SLC35E2B: variants seen among roughly 807,000 people sequenced by gnomAD.
SLC35E2B encodes solute carrier family 35, member E2B.
Under a neutral mutation model 32.4 loss-of-function variants are expected in SLC35E2B, and 18 were observed. The ratio of observed to expected loss-of-function variants is 0.56; its 90% CI spans 0.38 to 0.82. The LOEUF is 0.82. SLC35E2B is among the 40% of genes least tolerant of loss of function. SLC35E2B has a pLI of 0.00. For synonymous variants in SLC35E2B, 132 were observed against 209.1 expected (o/e 0.63, Z 3.18); for missense variants, 263 against 469.5 (o/e 0.56, Z 4.06).
intron 2 of SLC35E2B, among the ~76,000 whole-genome samples, chr1:1,683,009 G>A (rs576862312): frequency 6.6e-6 from 1 of 151,968 alleles, no homozygotes; most frequent in South Asian, 2.1e-4. Context: ...CCCTGGAGGT[G>A]GAAATCGCAG....
At chr1:1,666,143 ACAT>A in intron 9 of SLC35E2B, 124 bp from the exon 10 acceptor site, 14 of 1,174,454 alleles carry the variant, frequency 1.2e-5, no homozygotes, top group Non-Finnish European at 1.5e-5. Context: ...CGTCACGGTG[ACAT>A]CAGCCCTGCG....
intron 2 of SLC35E2B, among the ~76,000 whole-genome samples, chr1:1,686,233 A>C (rs944511200): frequency 2.7e-5 from 4 of 150,124 alleles, no homozygotes; most frequent in African/African-American, 9.8e-5. Context: ...CGAACTCCTG[A>C]CCTCGTGATC....
In SLC35E2B at chr1:1,692,593, T is replaced by G. The variant is rs1348008550; in HGVS notation, c.-710A>C. ...GCGGAGACAGCTCGGAGCTCGGCAC[T>G]GGGGAGTGGCACAGCGCTGGCGGAT... On this transcript the variant is annotated 5_prime_UTR_variant, in exon 1 of 10. Coordinates refer to ENST00000617444, the MANE Select transcript of SLC35E2B (RefSeq NM_001290264.2). 2 of 984,752 alleles carry G rather than the reference T, an allele frequency of 2.0e-6. No individual in the cohort carries two copies. The highest frequency in any genetic ancestry group is 3.5e-5 in the African/African-American group (2 of 56,770). The allele number at this position is 984,752 out of a possible 1,614,324, so 61.0% of individuals were successfully genotyped here.
At chr1:1,668,987 TCTC>T (rs1643616091) in intron 8 of SLC35E2B, among the ~76,000 whole-genome samples, 2 of 136,800 alleles carry the variant, frequency 1.5e-5, no homozygotes, top group African/African-American at 5.5e-5. Context: ...TGAGATATCA[TCTC>T]CAAAAAAAAA....
Position 1,663,932 on chromosome 1 carries a change from T to C in SLC35E2B, c.*1850A>G, listed in dbSNP as rs529991218. On this transcript the variant is annotated 3_prime_UTR_variant, in exon 10 of 10. Coordinates refer to ENST00000617444, the MANE Select transcript of SLC35E2B (RefSeq NM_001290264.2). ...TGAAGCAGGTGTAGTAGCCCACGCC[T>C]ATATTCTCGACACTACAGGAGGCTG... is the stretch of plus-strand genomic sequence containing the variant. 9.3e-5 allele frequency: 56 copies of C among 602,636 alleles called. 3 individuals are homozygous for C. The South Asian group carries it at 2.7e-3, about 29-fold the overall frequency. The allele number at this position is 602,636 out of a possible 1,614,324, so 37.3% of individuals were successfully genotyped here. A position where few individuals can be genotyped will look rare whatever the true frequency, so the allele number is the denominator to read the frequency against.
At chr1:1,668,224 G>A (rs973815249) in intron 9 of SLC35E2B, 103 bp downstream of exon 9, 63 of 1,478,140 alleles carry the variant, frequency 4.3e-5, no homozygotes, top group African/African-American at 1.4e-4. Context: ...ACTCATCCCC[G>A]TGGAAGAGAA....
intron 8 of SLC35E2B, 80 bp downstream of exon 8, chr1:1,669,584 A>T (rs1347504405): frequency 2.9e-6 from 4 of 1,400,626 alleles, no homozygotes; most frequent in Non-Finnish European, 9.6e-7. Flanking sequence ...ACGGCCTGGA[A>T]ACGGAAGTCA....
chr1:1,679,059 TC>T (rs1168695225), intron 2 of SLC35E2B, among the ~76,000 whole-genome samples: 1 of 151,972 alleles, frequency 6.6e-6, no homozygotes, highest in African/African-American at 2.4e-5. Flanking sequence ...GACCTCTCCC[TC>T]CCACCTCGAA....
intron 2 of SLC35E2B, among the ~76,000 whole-genome samples, chr1:1,690,521 C>T (rs1296856504): frequency 7.0e-6 from 1 of 142,228 alleles, no homozygotes; most frequent in Non-Finnish European, 1.5e-5. Flanking sequence ...GGCAGATCAC[C>T]TGAGGTCAGG....
In SLC35E2B at chr1:1,664,211, T is replaced by C. The variant is rs1289320264; in HGVS notation, c.*1571A>G. 2 of 708,408 alleles carry C rather than the reference T, an allele frequency of 2.8e-6. No homozygotes were observed. The highest frequency in any genetic ancestry group is 1.3e-4 in the Admixed American group (2 of 15,346). The allele number at this position is 708,408 out of a possible 1,614,324, so 43.9% of individuals were successfully genotyped here. On this transcript the variant is annotated 3_prime_UTR_variant, in exon 10 of 10. Transcript: ENST00000617444. ...AAAAAATAAAAAGGTTACTTGTGGGTTAAAAAGCCTCACTTCGGTCCATCA... is the reference window on the plus strand; with the variant it reads ...AAAAAATAAAAAGGTTACTTGTGGGCTAAAAAGCCTCACTTCGGTCCATCA...
Position 1,665,944 on chromosome 1 carries a change from C to T in SLC35E2B, c.1056G>A (p.Leu352=). 6 of 1,551,568 alleles carry T rather than the reference C, an allele frequency of 3.9e-6. No individual in the cohort carries two copies. Among genetic ancestry groups the T allele is most frequent in the Non-Finnish European group, 3.5e-6 (4 of 1,146,990 alleles). ...TCACCAGGGCTGTGCCAACGGCCGA[C>T]AAGCTGGTGATCTTGTTGCCGAAAA... ...VIVFGNKITS[L]SAVGTALVTV... Residue 352 remains leucine, a synonymous_variant, in exon 10 of 10, where the codon TTG becomes TTA. Transcript: ENST00000617444.
chr1:1,673,531 G>A lies in SLC35E2B; in HGVS notation c.587-1902C>T, dbSNP rs1643758638. On this transcript the variant is annotated intron_variant, in intron 5 of 9. Transcript: ENST00000617444. ...AAAAATACAAAAATTAGCTGGGTGT[G>A]GGGCCACATGCCTGTAATCCCAGCT... is the stretch of plus-strand genomic sequence containing the variant. 3 of 223,576 alleles carry A rather than the reference G, an allele frequency of 1.3e-5. 1 individual carries two copies. In the South Asian group the frequency reaches 1.5e-4, roughly 11 times the overall value. 13.8% of individuals were successfully genotyped at this position (223,576 alleles called of 1,614,324 possible).
chr1:1,684,239 C>A (rs2101115123), intron 2 of SLC35E2B, among the ~76,000 whole-genome samples: 1 of 152,306 alleles, frequency 6.6e-6, no homozygotes, highest in East Asian at 1.9e-4. Context: ...ACACCCACAT[C>A]AGTGACATTT....
chr1:1,688,431 C>G (rs1230148608), intron 2 of SLC35E2B, among the ~76,000 whole-genome samples: 2 of 151,712 alleles, frequency 1.3e-5, no homozygotes, highest in Non-Finnish European at 2.9e-5. Flanking sequence ...ACAGTCAAAC[C>G]CCATTTCTAC....
At position 1,663,324 on chromosome 1, in the gene SLC35E2B, C is replaced by A; in HGVS notation, c.*2458G>T. The A allele has an allele frequency of 2.0e-6, 2 of 980,040 alleles. No individual in the cohort carries two copies. Among genetic ancestry groups the A allele is most frequent in the Non-Finnish European group, 2.4e-6 (2 of 826,018 alleles). The allele number at this position is 980,040 out of a possible 1,614,324, so 60.7% of individuals were successfully genotyped here. On this transcript the variant is annotated 3_prime_UTR_variant, in exon 10 of 10. Coordinates refer to ENST00000617444, the MANE Select transcript of SLC35E2B (RefSeq NM_001290264.2). ...AAATTCCAAGGTGCTCAGAACCAGG[C>A]GCCTGCACCTCTCCTTATGCCAGAC...
chr1:1,684,761 G>C (rs1450276619), intron 2 of SLC35E2B, among the ~76,000 whole-genome samples: 3 of 134,912 alleles, frequency 2.2e-5, no homozygotes, highest in Admixed American at 1.6e-4. Flanking sequence ...TTGCACTCCA[G>C]CCTGGGCAAC....
At chr1:1,671,667 C>T (rs757045793) in intron 5 of SLC35E2B, 38 bp from the exon 6 acceptor site, 55 of 1,478,184 alleles carry the variant, frequency 3.7e-5, no homozygotes, top group South Asian at 1.2e-4. Context: ...GCTGACCCGC[C>T]GGGCGGACGC....
At chr1:1,678,243 A>C (rs749794779) in intron 2 of SLC35E2B, among the ~76,000 whole-genome samples, 1 of 151,966 alleles carries the variant, frequency 6.6e-6, no homozygotes, top group South Asian at 2.1e-4. Context: ...TGTATACATA[A>C]ATATTCTGTG....
At chr1:1,670,193 G>T (rs746999072) in intron 6 of SLC35E2B, 42 bp from the exon 7 acceptor site, 8 of 1,404,314 alleles carry the variant, frequency 5.7e-6, no homozygotes, top group Middle Eastern at 1.8e-4. Context: ...ACTAGTCCTC[G>T]GCACGGAACA....
Sources: allele counts gnomAD v4.1 joint callset (sites outside exome capture counted in the v4.1 genomes callset), GRCh38; gene constraint gnomAD v4.1.1; transcripts MANE v1.5; gene names NCBI Gene and HGNC (gene_info 2026-07-23, HGNC 2026-07-21).